Variants in LRP2 observed in about 807,000 individuals in gnomAD.
LRP2 encodes LDL receptor related protein 2.
In LRP2, 172 loss-of-function variants were observed where a neutral mutation model predicts 531.0. The ratio of observed to expected loss-of-function variants is 0.32; its 90% CI spans 0.29 to 0.37. The LOEUF (loss-of-function observed/expected upper bound fraction) is 0.37, where lower values mean the gene tolerates loss of function less well. LRP2 is among the 10% of genes least tolerant of loss of function. The probability of loss-of-function intolerance (pLI) is 1.00; values close to 1 mark genes in which losing one functional copy is unlikely to be tolerated. For missense variants in LRP2, 5,167 were observed against 5,868.3 expected (o/e 0.88, Z 3.90); for synonymous variants, 1,992 against 2,027.6 (o/e 0.98, Z 0.47).
chr2:169,198,943 A>C (rs560995238), intron 44 of LRP2, 32 bp from the exon 45 acceptor site: 1 of 1,605,444 alleles, frequency 6.2e-7, no homozygotes, highest in African/African-American at 1.3e-5. Context: ...AATATTAGGA[A>C]TATATCCACC....
At chr2:169,185,083 G>C (rs4287730) in intron 50 of LRP2, among the ~76,000 whole-genome samples, 112,421 of 152,068 alleles carry the variant, frequency 0.74, 41,869 homozygotes, top group South Asian at 0.83. Context: ...TGTAAGCAAG[G>C]CTATGTACTT....
chr2:169,315,064 G>C (rs1242057682), intron 3 of LRP2, among the ~76,000 whole-genome samples: 1 of 152,252 alleles, frequency 6.6e-6, no homozygotes, highest in Admixed American at 6.5e-5. Context: ...TTTTCAAAGG[G>C]CTTACGAAGA....
intron 46 of LRP2, 99 bp from the exon 47 acceptor site, chr2:169,193,991 A>T (rs1687919204): frequency 7.7e-7 from 1 of 1,305,192 alleles, no homozygotes; most frequent in Non-Finnish European, 1.1e-6. Flanking sequence ...GAAAACCTGA[A>T]ACAGAGCATT....
At chr2:169,349,907 G>T (rs567754423) in intron 1 of LRP2, among the ~76,000 whole-genome samples, 1 of 152,290 alleles carries the variant, frequency 6.6e-6, no homozygotes, top group East Asian at 1.9e-4. Flanking sequence ...CCCAACTTGA[G>T]TATGACAGAA....
rs760331979 is a variant in LRP2, at chr2:169,176,530, T to C, written c.10452A>G (p.Pro3484=). The change falls in exon 54 of 79, where the codon CCA becomes CCG. Residue 3484 remains proline, a synonymous_variant. Transcript: ENST00000649046. ...GGCSHLCLIK[P]GGKGFTCECP... ...ACTCGCAAGTGAACCCTTTTCCTCC[T>C]GGCTTGATGAGGCAGAGATGAGAAC... 20 of 1,614,218 alleles carry C rather than the reference T, an allele frequency of 1.2e-5. No homozygotes were observed. Among genetic ancestry groups the C allele is most frequent in the Non-Finnish European group, 1.6e-5 (19 of 1,180,026 alleles).
chr2:169,283,711 C>A (rs989538297), intron 9 of LRP2, among the ~76,000 whole-genome samples: 3 of 152,190 alleles, frequency 2.0e-5, no homozygotes, highest in African/African-American at 7.2e-5. Flanking sequence ...TCAAAAATGT[C>A]TTCTCCTCTA....
At chr2:169,145,699 A>C (rs1465725471) in intron 70 of LRP2, 48 bp downstream of exon 70, 10 of 1,563,824 alleles carry the variant, frequency 6.4e-6, no homozygotes, top group Non-Finnish European at 8.8e-6. Context: ...ATTTTGAAAT[A>C]AGATTTCCAA....
At chr2:169,307,979 C>A (rs927105104) in intron 3 of LRP2, among the ~76,000 whole-genome samples, 1 of 152,022 alleles carries the variant, frequency 6.6e-6, no homozygotes, top group African/African-American at 2.4e-5. Context: ...AATTTGCCTC[C>A]GGATAAAACA....
intron 64 of LRP2, among the ~76,000 whole-genome samples, chr2:169,156,711 A>C (rs1362749594): frequency 1.3e-5 from 2 of 152,100 alleles, no homozygotes; most frequent in Non-Finnish European, 2.9e-5. Context: ...AGCAGAGCAC[A>C]TTTTCCCTTT....
In LRP2 at chr2:169,209,462, A is replaced by C; in HGVS notation, c.6460T>G (p.Trp2154Gly). ...CATATAGCTTACATACCTGCTACCC[A>C]ATCCACTGCAATACCCCGGACTCCA... is the stretch of plus-strand genomic sequence containing the variant. ...ENGVRGIAVD[W>G]VAGNLYFTNA... is the part of the protein sequence containing the mutation. Residue 2154 changes from tryptophan (W) to glycine (G), a missense_variant, in exon 38 of 79, where the codon TGG becomes GGG. Trp to Gly is a radical substitution (Grantham distance 184). This residue lies in a region of LRP2 where 2,811 missense variants were observed against 3,058.0 expected (regional missense o/e 0.92). Transcript: ENST00000649046. The C allele has an allele frequency of 6.2e-7, 1 of 1,614,026 alleles. No individual in the cohort carries two copies. Among genetic ancestry groups the C allele is most frequent in the Non-Finnish European group, 8.5e-7 (1 of 1,179,882 alleles).
chr2:169,332,343 A>G (rs184201791), intron 1 of LRP2, among the ~76,000 whole-genome samples: 50 of 152,318 alleles, frequency 3.3e-4, no homozygotes, highest in African/African-American at 1.2e-3. Context: ...GACTATCGCA[A>G]TAGTAACAAC....
chr2:169,169,627 G>C lies in LRP2; in HGVS notation c.11497+75C>G, dbSNP rs763601521. The C allele has an allele frequency of 1.4e-4, 157 of 1,095,724 alleles. 1 individual carries two copies. The highest frequency in any genetic ancestry group is 2.1e-4 in the Non-Finnish European group (149 of 707,628). 67.9% of individuals were successfully genotyped at this position (1,095,724 alleles called of 1,614,324 possible). Reference sequence around the variant, plus strand: ...TTATGGCCTTTTAATCTAAGAAGCGGCAGCGGACTGATGTCTAAACTATCA... The same window carrying C: ...TTATGGCCTTTTAATCTAAGAAGCGCCAGCGGACTGATGTCTAAACTATCA... On this transcript the variant is annotated intron_variant, in intron 60 of 78. Transcript: ENST00000649046.
intron 17 of LRP2, 152 bp from the exon 18 acceptor site, chr2:169,257,401 A>C: frequency 6.0e-5 from 47 of 780,384 alleles, no homozygotes; most frequent in Non-Finnish European, 9.3e-5. Flanking sequence ...TGTATAACTC[A>C]TGTAATTCTC....
At chr2:169,192,734 T>C (rs1356313290) in intron 47 of LRP2, among the ~76,000 whole-genome samples, 12 of 152,022 alleles carry the variant, frequency 7.9e-5, no homozygotes, top group Non-Finnish European at 1.6e-4. Context: ...TGCAGGTGAA[T>C]AGGAAACAAA....
At chr2:169,350,723 C>CAAAAAAAAA (rs35301449) in intron 1 of LRP2, among the ~76,000 whole-genome samples, 2 of 68,224 alleles carry the variant, frequency 2.9e-5, no homozygotes, top group African/African-American at 6.3e-5. Flanking sequence ...GACTCCATCG[C>CAAAAAAAAA]AAAAAAAAAA....
intron 62 of LRP2, among the ~76,000 whole-genome samples, chr2:169,164,108 A>T (rs539754516): frequency 1.3e-5 from 2 of 152,226 alleles, no homozygotes; most frequent in Non-Finnish European, 2.9e-5. Flanking sequence ...AACATGTGTC[A>T]TCCCAGCCCA....
intron 1 of LRP2, among the ~76,000 whole-genome samples, chr2:169,322,497 T>C (rs1212478103): frequency 6.6e-6 from 1 of 152,096 alleles, no homozygotes; most frequent in African/African-American, 2.4e-5. Context: ...AGGTCTCTTA[T>C]CAACTACCTT....
chr2:169,221,502 C>G lies in LRP2; in HGVS notation c.5539-939G>C, dbSNP rs115860509. ...TATTGGACTAGAAAGAAGTTTCTTA[C>G]AGCAATGAAGCTATTTTAATACGTA... On this transcript the variant is annotated intron_variant, in intron 33 of 78. Transcript: ENST00000649046. 8.1e-3 allele frequency among the ~76,000 whole-genome samples: 1,228 copies of G among 152,278 alleles called. 9 individuals are homozygous for G. The highest frequency in any genetic ancestry group is 0.013 in the Non-Finnish European group (876 of 68,018).
chr2:169,361,377 C>CTCTCT lies in LRP2; in HGVS notation c.79+943_79+944insAGAGA, dbSNP rs1559092856. On this transcript the variant is annotated intron_variant, in intron 1 of 78. Coordinates refer to ENST00000649046, the MANE Select transcript of LRP2 (RefSeq NM_004525.3). Reference sequence around the variant, plus strand: ...CTCTCTCTCTCTCTCTCTCTCTCTCCCTCTCTCTCTCTCTCTCTGTCTCTC... The same window carrying CTCTCT: ...CTCTCTCTCTCTCTCTCTCTCTCTCCTCTCTCTCTCTCTCTCTCTCTCTGTCTCTC... 2.8e-3 allele frequency among the ~76,000 whole-genome samples: 145 copies of CTCTCT among 52,220 alleles called. 5 individuals are homozygous for CTCTCT. The highest frequency in any genetic ancestry group is 5.1e-3 in the South Asian group (6 of 1,178). 34.3% of individuals were successfully genotyped at this position (52,220 alleles called of 152,430 possible). A position where few individuals can be genotyped will look rare whatever the true frequency, so the allele number is the denominator to read the frequency against.
Sources: gnomAD v4.1 joint callset for allele counts (sites outside exome capture counted in the v4.1 genomes callset) on GRCh38, gnomAD v4.1.1 for gene constraint, gnomAD v4.1.1 regional missense constraint, MANE v1.5 for transcripts, NCBI Gene and HGNC (gene_info 2026-07-23, HGNC 2026-07-21) for gene names.